The following TRAPPC9 variants were observed in gnomAD, a reference collection of about 807,000 sequenced individuals.
The protein encoded by TRAPPC9 is IKK2 binding protein.
Under a neutral mutation model 124.0 loss-of-function variants are expected in TRAPPC9, and 83 were observed. The observed-to-expected ratio is 0.67, with a 90% CI of 0.56 to 0.80. The LOEUF (loss-of-function observed/expected upper bound fraction) is 0.80. TRAPPC9 is among the 30% of genes least tolerant of loss of function. TRAPPC9 has a pLI of 0.00. For missense variants in TRAPPC9, 1,302 were observed against 1,508.3 expected (o/e 0.86, Z 2.27); for synonymous variants, 638 against 617.5 (o/e 1.03, Z -0.49).
rs551722892 is a variant in TRAPPC9 at position 140,372,099 on chromosome 8, A to G, written c.1135-919T>C. 1.5e-3 allele frequency among the ~76,000 whole-genome samples: 236 copies of G among 152,350 alleles called. 1 individual carries two copies. The highest frequency in any genetic ancestry group is 5.5e-3 in the African/African-American group (229 of 41,588). On this transcript the variant is annotated intron_variant, in intron 7 of 22. Coordinates refer to ENST00000438773, the MANE Select transcript of TRAPPC9 (RefSeq NM_001160372.4). ...ATCCTGTGAGCTGGCAAATAAGGACATTAACAGCTCAGGGACACATTAATC... is the reference window on the plus strand; with the variant it reads ...ATCCTGTGAGCTGGCAAATAAGGACGTTAACAGCTCAGGGACACATTAATC...
chr8:140,220,099 G>A (rs2063301093), intron 17 of TRAPPC9, among the ~76,000 whole-genome samples: 1 of 152,148 alleles, frequency 6.6e-6, no homozygotes, highest in Non-Finnish European at 1.5e-5. Context: ...CACACACTGA[G>A]GAAAACAGAC....
At position 140,026,873 on chromosome 8, in the gene TRAPPC9, AT is replaced by A. The variant is rs561630765; in HGVS notation, c.2557-2795del. Among the ~76,000 whole-genome samples the A allele has an allele frequency of 3.6e-4, 54 of 151,918 alleles. No homozygotes were observed. The East Asian group carries it at 5.2e-3, about 15-fold the overall frequency. Reference sequence around the variant, plus strand: ...TTACAAATGGCTCAATAAAATACAGATTTTTTTTTAATATTCAAGGATCATA... The same window carrying A: ...TTACAAATGGCTCAATAAAATACAGATTTTTTTTAATATTCAAGGATCATA... On this transcript the variant is annotated intron_variant, in intron 17 of 22. Coordinates refer to ENST00000438773, the MANE Select transcript of TRAPPC9 (RefSeq NM_001160372.4).
chr8:140,061,009 T>C (rs1390020740), intron 17 of TRAPPC9, among the ~76,000 whole-genome samples: 1 of 152,214 alleles, frequency 6.6e-6, no homozygotes, highest in Non-Finnish European at 1.5e-5. Context: ...ACTGTCACAG[T>C]CTGGAGAGAC....
chr8:139,988,768 C>T lies in TRAPPC9; in HGVS notation c.2768G>A (p.Arg923Lys). Residue 923 changes from arginine to lysine, a missense_variant, in exon 19 of 23, where the codon AGG (arginine) becomes AAG (lysine). Physicochemically the swap from Arg to Lys is conservative, Grantham distance 26. Around this residue, in one of 3 missense-constraint regions of TRAPPC9, gnomAD observed 640 missense variants for 679.3 expected, o/e 0.94. Transcript: ENST00000438773. ...STEHELTVST[R>K]SSEALILHAG... ...GTGCAGGATGAGTGCCTCGCTGCTC[C>T]TGGTGCTGACGGTCAGCTCATGCTC... The T allele has an allele frequency of 1.9e-6, 3 of 1,551,440 alleles. No homozygotes were observed. Among genetic ancestry groups the T allele is most frequent in the Non-Finnish European group, 2.6e-6 (3 of 1,146,990 alleles).
intron 16 of TRAPPC9, among the ~76,000 whole-genome samples, chr8:140,249,600 T>C (rs34710276): frequency 0.031 from 3,665 of 117,554 alleles, 66 homozygotes; most frequent in Non-Finnish European, 0.045. Context: ...TTTCACTCTT[T>C]TTTTTTTTTT....
intron 3 of TRAPPC9, among the ~76,000 whole-genome samples, chr8:140,437,707 T>C (rs1165228789): frequency 1.3e-5 from 2 of 152,228 alleles, no homozygotes; most frequent in Non-Finnish European, 2.9e-5. Flanking sequence ...CATTACTTCA[T>C]TCCGACTTGT....
At chr8:139,968,229 A>G (rs1438876056) in intron 19 of TRAPPC9, among the ~76,000 whole-genome samples, 5 of 152,152 alleles carry the variant, frequency 3.3e-5, no homozygotes, top group Admixed American at 6.5e-5. Flanking sequence ...GTGCTCTTTC[A>G]TTACGTAAAG....
chr8:140,232,114 T>C (rs1168725875), intron 16 of TRAPPC9, among the ~76,000 whole-genome samples: 4 of 151,928 alleles, frequency 2.6e-5, no homozygotes, highest in Admixed American at 6.6e-5. Context: ...AGATGGGTCT[T>C]GCTATGTTGC....
chr8:140,456,765 C>A, intron 1 of TRAPPC9: 4 of 984,542 alleles, frequency 4.1e-6, no homozygotes, highest in Non-Finnish European at 4.8e-6. Flanking sequence ...AAACTGGGGC[C>A]GTGAGGGATG....
rs116764913 is a variant in TRAPPC9 at position 139,770,511 on chromosome 8, G to A, written c.3056-38309C>T. 3.9e-3 allele frequency among the ~76,000 whole-genome samples: 592 copies of A among 152,338 alleles called. 6 individuals carry two copies. Among genetic ancestry groups the A allele is most frequent in the African/African-American group, 0.013 (549 of 41,582 alleles). On this transcript the variant is annotated intron_variant, in intron 21 of 22. Transcript: ENST00000438773. ...GGAGCTGCTTTGGCGAGATGGGCCT[G>A]GGTCCCCACGGGGCCCCATCATTCT...
rs1836585376 is a variant in TRAPPC9 at position 139,977,787 on chromosome 8, TC to T, written c.2810+10938del. Among the ~76,000 whole-genome samples the T allele has an allele frequency of 2.0e-5, 3 of 151,344 alleles. No homozygotes were observed. The South Asian group carries it at 6.3e-4, about 32-fold the overall frequency. On this transcript the variant is annotated intron_variant, in intron 19 of 22. Transcript: ENST00000438773. The stretch of plus-strand genomic sequence containing the variant: ...CCTCCGTCTCCTGGGTTCAAGCAAT[TC>T]CCCTGCCTTAGCCTCCCGAATAGCT...
intron 20 of TRAPPC9, among the ~76,000 whole-genome samples, chr8:139,908,955 G>C (rs904993810): frequency 6.6e-6 from 1 of 152,180 alleles, no homozygotes; most frequent in African/African-American, 2.4e-5. Context: ...TATTTTTCAT[G>C]TCTGGTTCAC....
At chr8:140,014,895 G>A (rs1839365599) in intron 18 of TRAPPC9, among the ~76,000 whole-genome samples, 1 of 152,200 alleles carries the variant, frequency 6.6e-6, no homozygotes, top group South Asian at 2.1e-4. Context: ...AGTCTAGCAG[G>A]CCGTGAATAA....
intron 3 of TRAPPC9, among the ~76,000 whole-genome samples, chr8:140,437,003 G>A (rs575242671): frequency 6.6e-6 from 1 of 151,986 alleles, no homozygotes; most frequent in East Asian, 1.9e-4. Flanking sequence ...TCTCACTCTT[G>A]CTCAGGATGG....
intron 21 of TRAPPC9, among the ~76,000 whole-genome samples, chr8:139,808,382 A>G (rs776896035): frequency 6.6e-6 from 1 of 152,190 alleles, no homozygotes; most frequent in Non-Finnish European, 1.5e-5. Flanking sequence ...AATCGCTTGA[A>G]TCCAGGAGGT....
At chr8:139,891,035 G>T (rs1830313027) in intron 20 of TRAPPC9, among the ~76,000 whole-genome samples, 1 of 152,074 alleles carries the variant, frequency 6.6e-6, no homozygotes, top group Non-Finnish European at 1.5e-5. Context: ...TGAGTAAACG[G>T]CAACCCACGC....
intron 17 of TRAPPC9, among the ~76,000 whole-genome samples, chr8:140,051,201 G>A (rs529803385): frequency 6.6e-6 from 1 of 152,208 alleles, no homozygotes; most frequent in Non-Finnish European, 1.5e-5. Context: ...AAGACCTGAA[G>A]GGGCGGTGGA....
At chr8:140,368,080 T>G (rs931759072) in intron 8 of TRAPPC9, among the ~76,000 whole-genome samples, 1 of 152,200 alleles carries the variant, frequency 6.6e-6, no homozygotes, top group Non-Finnish European at 1.5e-5. Flanking sequence ...TCATGGTTTT[T>G]GGGGTTTCTT....
In TRAPPC9 at chr8:140,383,654, G is replaced by A. The variant is rs139284363; in HGVS notation, c.1135-12474C>T. Reference sequence around the variant, plus strand: ...AATGAACAAAGCCTCCAAGAAATACGGGACTATGTGAACAGACCAAATCAA... The same window carrying A: ...AATGAACAAAGCCTCCAAGAAATACAGGACTATGTGAACAGACCAAATCAA... On this transcript the variant is annotated intron_variant, in intron 7 of 22. Transcript: ENST00000438773. Among the ~76,000 whole-genome samples, 606 of 152,266 alleles carry A rather than the reference G, an allele frequency of 4.0e-3. 4 individuals are homozygous for A. The highest frequency in any genetic ancestry group is 0.014 in the African/African-American group (572 of 41,544).
Sources: allele counts gnomAD v4.1 joint callset (sites outside exome capture counted in the v4.1 genomes callset), GRCh38; gene constraint gnomAD v4.1.1; regional missense constraint gnomAD v4.1.1; transcripts MANE v1.5; gene names NCBI Gene and HGNC (gene_info 2026-07-23, HGNC 2026-07-21).